CLPB: variants seen among roughly 807,000 people sequenced by gnomAD.
The protein encoded by CLPB is mitochondrial disaggregase.
Under a neutral mutation model 78.4 loss-of-function variants are expected in CLPB, and 40 were observed. The observed-to-expected ratio is 0.51, with a 90% confidence interval of 0.40 to 0.66. CLPB has a LOEUF of 0.66. CLPB is among the 30% of genes least tolerant of loss of function. The pLI is 0.00. For missense variants in CLPB, 780 were observed against 886.9 expected, an observed-to-expected ratio of 0.88 and a Z score of 1.53; for synonymous variants, 333 against 348.0, an observed-to-expected ratio of 0.96 and a Z score of 0.48.
chr11:72,301,674 G>C, intron 11 of CLPB, 129 bp downstream of exon 11: 1 of 1,029,740 alleles, frequency 9.7e-7, no homozygotes, highest in Non-Finnish European at 1.4e-6. Flanking sequence ...CTGGATGAAT[G>C]AATGTACACA....
chr11:72,347,214 T>G (rs1950532616), intron 5 of CLPB, among the ~76,000 whole-genome samples: 1 of 152,110 alleles, frequency 6.6e-6, no homozygotes, highest in Non-Finnish European at 1.5e-5. Flanking sequence ...GGGTAAAATT[T>G]TGATGAGGAG....
At position 72,434,160 on chromosome 11, in the gene CLPB, G is replaced by T; in HGVS notation, c.315C>A (p.Asn105Lys). 6.2e-7 allele frequency: 1 copy of T among 1,612,948 alleles called. No homozygotes were observed. Among genetic ancestry groups the T allele is most frequent in the South Asian group, 1.1e-5 (1 of 91,074 alleles). Residue 105 changes from asparagine to lysine, a missense_variant, in exon 1 of 16, where the codon AAC (asparagine) becomes AAA (lysine). Physicochemically the swap from Asn to Lys is moderately conservative, Grantham distance 94. Around this residue, in one of 3 missense-constraint regions of CLPB, gnomAD observed 417 missense variants for 414.7 expected, o/e 1.01. Coordinates refer to ENST00000538039, the MANE Select transcript of CLPB (RefSeq NM_001258392.3). ...CCAGTCCGGCCCTGCTGGGGACCCC[G>T]TTCCAGCTGTCCTGTCCTGGGAGTG... Reference protein sequence around the residue: ...EETLPGQDSWNGVPSRAGLGM... With the variant: ...EETLPGQDSWKGVPSRAGLGM...
intron 12 of CLPB, among the ~76,000 whole-genome samples, 171 bp downstream of exon 12, chr11:72,295,321 G>T (rs1337791621): frequency 1.3e-5 from 2 of 152,114 alleles, no homozygotes; most frequent in African/African-American, 2.4e-5. Flanking sequence ...TGTCTCTTTT[G>T]TCTCAACCCC....
At chr11:72,295,776 C>T in intron 11 of CLPB, 128 bp from the exon 12 acceptor site, 5 of 855,914 alleles carry the variant, frequency 5.8e-6, no homozygotes, top group Non-Finnish European at 9.1e-6. Context: ...CCCCAGCAGC[C>T]AGCTGCTTCC....
chr11:72,378,658 C>G (rs1224208089), intron 4 of CLPB, among the ~76,000 whole-genome samples: 1 of 152,192 alleles, frequency 6.6e-6, no homozygotes, highest in East Asian at 1.9e-4. Flanking sequence ...CTGAGCACTG[C>G]AATGCTGTGC....
chr11:72,298,344 C>G (rs77206621), intron 11 of CLPB, among the ~76,000 whole-genome samples: 1 of 152,212 alleles, frequency 6.6e-6, no homozygotes, highest in Non-Finnish European at 1.5e-5. Context: ...TTGTCCCTAG[C>G]GCAGCACCGA....
chr11:72,381,715 G>A (rs1260881997), intron 3 of CLPB, among the ~76,000 whole-genome samples: 1 of 152,104 alleles, frequency 6.6e-6, no homozygotes, highest in African/African-American at 2.4e-5. Context: ...GTCCACCCCA[G>A]GCTCCAGCCC....
intron 2 of CLPB, among the ~76,000 whole-genome samples, chr11:72,403,267 C>T (rs1855616834): frequency 6.6e-6 from 1 of 152,212 alleles, no homozygotes; most frequent in Non-Finnish European, 1.5e-5. Flanking sequence ...ATTTCAGCTC[C>T]TCTGGCCATT....
chr11:72,427,162 A>G (rs1856408214), intron 2 of CLPB, among the ~76,000 whole-genome samples: 1 of 152,118 alleles, frequency 6.6e-6, no homozygotes. Context: ...GGGTGTCCTT[A>G]AAGAGGAGGA....
chr11:72,375,855 C>T (rs925315931), intron 4 of CLPB, among the ~76,000 whole-genome samples: 5 of 152,218 alleles, frequency 3.3e-5, no homozygotes, highest in African/African-American at 7.2e-5. Flanking sequence ...GAGCACTTTA[C>T]AATCCACATA....
chr11:72,414,958 C>T (rs1855978275), intron 2 of CLPB, among the ~76,000 whole-genome samples: 1 of 152,152 alleles, frequency 6.6e-6, no homozygotes, highest in Admixed American at 6.5e-5. Flanking sequence ...TGGTTCACGC[C>T]TGTAATCCCA....
intron 7 of CLPB, among the ~76,000 whole-genome samples, chr11:72,309,511 G>A (rs907735970): frequency 2.6e-5 from 4 of 152,046 alleles, no homozygotes; most frequent in South Asian, 4.1e-4. Context: ...CACCAACAAC[G>A]TATCTATTCA....
At chr11:72,423,342 TG>T (rs1856265586) in intron 2 of CLPB, among the ~76,000 whole-genome samples, 1 of 152,224 alleles carries the variant, frequency 6.6e-6, no homozygotes, top group South Asian at 2.1e-4. Flanking sequence ...TCTACACAGA[TG>T]ATCAAGCCAG....
At chr11:72,372,992 G>T in intron 4 of CLPB, 2 of 1,614,098 alleles carry the variant, frequency 1.2e-6, no homozygotes, top group Non-Finnish European at 1.7e-6. Flanking sequence ...TGATGTGCCG[G>T]CTTGCACCGT....
At chr11:72,313,981 C>G (rs565125426) in intron 7 of CLPB, among the ~76,000 whole-genome samples, 1 of 152,296 alleles carries the variant, frequency 6.6e-6, no homozygotes, top group African/African-American at 2.4e-5. Context: ...AAGTTAATCA[C>G]TACAACTCCA....
At chr11:72,338,582 C>A (rs1262977744) in intron 5 of CLPB, among the ~76,000 whole-genome samples, 1 of 152,216 alleles carries the variant, frequency 6.6e-6, no homozygotes, top group Non-Finnish European at 1.5e-5. Flanking sequence ...ATCACTCAGA[C>A]TTTATGTTCT....
Position 72,312,780 on chromosome 11 carries a change from C to T in CLPB, c.989-4176G>A, listed in dbSNP as rs1167179067. On this transcript the variant is annotated intron_variant, in intron 7 of 15. Coordinates refer to ENST00000538039, the MANE Select transcript of CLPB (RefSeq NM_001258392.3). The surrounding 1 kb of genome is among the most constrained non-coding windows in gnomAD (Gnocchi z 4.2). ...CAAAAAAGCTCTGTGCTAGGTGCGG[C>T]GGCTCTCACAAAGAGGCCTCAAAAA... 1.3e-5 allele frequency among the ~76,000 whole-genome samples: 2 copies of T among 152,106 alleles called. No homozygotes were observed. The highest frequency in any genetic ancestry group is 2.4e-5 in the African/African-American group (1 of 41,406).
rs1385142699 is a variant in CLPB, at chr11:72,317,098, A to C, written c.988+8T>G. On this transcript the variant is annotated splice_region_variant and intron_variant, in intron 7 of 15. Transcript: ENST00000538039. ...CACTCTGCCCTTTCTGGTGTCCCAC[A>C]CACTCACCAGCACCCACTGTGGCGA... is the stretch of plus-strand genomic sequence containing the variant. The C allele has an allele frequency of 6.2e-7, 1 of 1,600,108 alleles. No homozygotes were observed. Among genetic ancestry groups the C allele is most frequent in the Admixed American group, 1.7e-5 (1 of 59,088 alleles).
chr11:72,347,370 T>A (rs1468407461), intron 5 of CLPB, among the ~76,000 whole-genome samples: 2 of 152,052 alleles, frequency 1.3e-5, no homozygotes, highest in East Asian at 3.9e-4. Flanking sequence ...GGTGGGAGGA[T>A]CACTTGAGCC....
Sources: allele counts gnomAD v4.1 joint callset (sites outside exome capture counted in the v4.1 genomes callset), GRCh38; gene constraint gnomAD v4.1.1; regional missense constraint gnomAD v4.1.1; non-coding constraint Gnocchi (gnomAD v3.1); transcripts MANE v1.5; gene names NCBI Gene and HGNC (gene_info 2026-07-23, HGNC 2026-07-21).